Variants in YIPF4 observed in about 807,000 individuals in gnomAD.
The protein encoded by YIPF4 is Yip1 domain family member 4.
Under a neutral mutation model 29.4 loss-of-function variants are expected in YIPF4, and 18 were observed. The observed-to-expected ratio is 0.61, with a 90% CI of 0.42 to 0.91. The LOEUF (loss-of-function observed/expected upper bound fraction) is 0.91. Ranked by LOEUF, YIPF4 falls within the 40% of genes least tolerant of loss-of-function variation. The pLI, the probability that YIPF4 is intolerant of heterozygous loss-of-function variation, is 0.00. For synonymous variants in YIPF4, 115 were observed against 104.7 expected (o/e 1.10, Z -0.60); for missense variants, 279 against 282.7 (o/e 0.99, Z 0.09).
intron 3 of YIPF4, among the ~76,000 whole-genome samples, chr2:32,294,134 C>T (rs1234980060): frequency 2.7e-5 from 4 of 150,842 alleles, no homozygotes; most frequent in Admixed American, 2.6e-4. Context: ...CCCCCCACTT[C>T]CCTCCCAGAC....
chr2:32,303,021 C>T (rs902195270), intron 5 of YIPF4, among the ~76,000 whole-genome samples: 2 of 152,118 alleles, frequency 1.3e-5, no homozygotes, highest in African/African-American at 4.8e-5. Context: ...TCAATTTGTT[C>T]TTAACAATGG....
chr2:32,300,448 A>AT (rs2031365503), intron 4 of YIPF4, among the ~76,000 whole-genome samples: 5 of 151,218 alleles, frequency 3.3e-5, no homozygotes, highest in Admixed American at 3.3e-4. Context: ...AAAAAAAAAA[A>AT]AAAAAAAGAG....
In YIPF4 at chr2:32,305,850, A is replaced by G. The variant is rs1442081159; in HGVS notation, c.*224A>G. On this transcript the variant is annotated 3_prime_UTR_variant, in exon 6 of 6. Coordinates refer to ENST00000238831, the MANE Select transcript of YIPF4 (RefSeq NM_032312.4). ...AATTTTAAATTCTGTTTGATTCTCCATATTCCAGTGAATAAAATACAAAAG... is the reference window on the plus strand; with the variant it reads ...AATTTTAAATTCTGTTTGATTCTCCGTATTCCAGTGAATAAAATACAAAAG... 9 of 1,164,308 alleles carry G rather than the reference A, an allele frequency of 7.7e-6. No individual in the cohort carries two copies. The highest frequency in any genetic ancestry group is 1.6e-5 in the African/African-American group (1 of 62,868). The allele number at this position is 1,164,308 out of a possible 1,614,324, so 72.1% of individuals were successfully genotyped here.
Position 32,315,093 on chromosome 2 carries a change from G to C in YIPF4, c.*9467G>C, listed in dbSNP as rs994860231. The C allele has an allele frequency of 1.3e-5, 2 of 152,158 alleles. No homozygotes were observed. Among genetic ancestry groups the C allele is most frequent in the Non-Finnish European group, 2.9e-5 (2 of 68,016 alleles). 9.4% of individuals were successfully genotyped at this position (152,158 alleles called of 1,614,324 possible). A position where few individuals can be genotyped will look rare whatever the true frequency, so the allele number is the denominator to read the frequency against. On this transcript the variant is annotated 3_prime_UTR_variant, in exon 6 of 6. Coordinates refer to ENST00000238831, the MANE Select transcript of YIPF4 (RefSeq NM_032312.4). ...ATTAAGAACTCAAGGTCCATTTATTGCTCTATTCTGCCATCTTTGGTGAGT... is the reference window on the plus strand; with the variant it reads ...ATTAAGAACTCAAGGTCCATTTATTCCTCTATTCTGCCATCTTTGGTGAGT...
At chr2:32,285,556 ACCATTT>A (rs2030626087) in intron 1 of YIPF4, among the ~76,000 whole-genome samples, 1 of 151,934 alleles carries the variant, frequency 6.6e-6, no homozygotes, top group East Asian at 1.9e-4. Flanking sequence ...TGTTATTGTG[ACCATTT>A]CAGCCTATTC....
At chr2:32,287,301 T>C (rs975760898) in intron 1 of YIPF4, among the ~76,000 whole-genome samples, 3 of 152,144 alleles carry the variant, frequency 2.0e-5, no homozygotes, top group African/African-American at 7.2e-5. Context: ...TAATATCTTT[T>C]AGTGCAAAAA....
intron 3 of YIPF4, among the ~76,000 whole-genome samples, chr2:32,295,334 T>C (rs1295149962): frequency 6.6e-6 from 1 of 152,210 alleles, no homozygotes; most frequent in Non-Finnish European, 1.5e-5. Flanking sequence ...TGGTGGCTGC[T>C]CTAATAAACT....
Position 32,277,930 on chromosome 2 carries a change from C to T in YIPF4, c.-226C>T. 1.9e-6 allele frequency: 1 copy of T among 523,684 alleles called. No individual in the cohort carries two copies. Among genetic ancestry groups the T allele is most frequent in the Non-Finnish European group, 3.4e-6 (1 of 298,008 alleles). The allele number at this position is 523,684 out of a possible 1,614,324, so 32.4% of individuals were successfully genotyped here. ...TCACTGTTATGGTCCTGTCAGGGTG[C>T]CGGCGTCGTGGTGCTTGGGTGGTCG... is the stretch of plus-strand genomic sequence containing the variant. On this transcript the variant is annotated 5_prime_UTR_variant, in exon 1 of 6. Coordinates refer to ENST00000238831, the MANE Select transcript of YIPF4 (RefSeq NM_032312.4).
intron 5 of YIPF4, among the ~76,000 whole-genome samples, chr2:32,304,609 G>T (rs1193916733): frequency 6.6e-6 from 1 of 152,148 alleles, no homozygotes; most frequent in Non-Finnish European, 1.5e-5. Flanking sequence ...ATAGTGTGTA[G>T]AGAGCAGGAA....
chr2:32,294,671 C>T (rs1236168173), intron 3 of YIPF4, among the ~76,000 whole-genome samples: 8 of 152,176 alleles, frequency 5.3e-5, no homozygotes, highest in Middle Eastern at 3.4e-3. Flanking sequence ...GGGTGGCGGC[C>T]GGGCAGAGGC....
chr2:32,311,392 T>C lies in YIPF4; in HGVS notation c.*5766T>C, dbSNP rs1296013618. 1.3e-5 allele frequency: 2 copies of C among 152,168 alleles called. No individual in the cohort carries two copies. Among genetic ancestry groups the C allele is most frequent in the Non-Finnish European group, 1.5e-5 (1 of 68,018 alleles). The allele number at this position is 152,168 out of a possible 1,614,324, so 9.4% of individuals were successfully genotyped here. On this transcript the variant is annotated 3_prime_UTR_variant, in exon 6 of 6. Transcript: ENST00000238831. ...TGAGGTTACAGTTTGGAGGTTACAT[T>C]AGAGAAAGAATATAGGGAAGATGGC...
chr2:32,302,070 G>A (rs554719371), intron 5 of YIPF4, among the ~76,000 whole-genome samples: 32 of 143,090 alleles, frequency 2.2e-4, no homozygotes, highest in Middle Eastern at 3.9e-3. Flanking sequence ...TTGCTCTGTC[G>A]CCCAGGCTGG....
intron 1 of YIPF4, among the ~76,000 whole-genome samples, chr2:32,289,187 T>C (rs552089076): frequency 6.6e-6 from 1 of 152,294 alleles, no homozygotes; most frequent in African/African-American, 2.4e-5. Flanking sequence ...ATAAAAACTT[T>C]TTAGAATTAT....
intron 3 of YIPF4, among the ~76,000 whole-genome samples, chr2:32,294,823 C>T (rs914142984): frequency 2.0e-4 from 31 of 152,206 alleles, no homozygotes; most frequent in Non-Finnish European, 3.1e-4. Context: ...CCGGCACCTC[C>T]GGAGGCCGAG....
intron 5 of YIPF4, among the ~76,000 whole-genome samples, chr2:32,301,889 G>T (rs975249033): frequency 2.0e-5 from 3 of 152,076 alleles, no homozygotes; most frequent in Non-Finnish European, 4.4e-5. Flanking sequence ...GTTTTTAGTA[G>T]AGATGGGGTT....
chr2:32,296,456 G>T (rs1278230275), intron 3 of YIPF4, among the ~76,000 whole-genome samples: 1 of 148,666 alleles, frequency 6.7e-6, no homozygotes, highest in Non-Finnish European at 1.5e-5. Context: ...GGGTGACAGA[G>T]CAAGACTCAG....
intron 5 of YIPF4, among the ~76,000 whole-genome samples, chr2:32,302,130 A>C (rs1018708064): frequency 1.3e-5 from 2 of 150,398 alleles, no homozygotes; most frequent in Admixed American, 6.7e-5. Flanking sequence ...TCCTGGGTTC[A>C]AGCCATTCTT....
chr2:32,301,430 C>G lies in YIPF4; in HGVS notation c.532C>G (p.Leu178Val). The G allele has an allele frequency of 6.2e-7, 1 of 1,613,792 alleles. No individual in the cohort carries two copies. The highest frequency in any genetic ancestry group is 1.3e-5 in the African/African-American group (1 of 75,016). Residue 178 changes from leucine (L) to valine (V), a missense_variant, in exon 5 of 6, where the codon CTC becomes GTC. Leu to Val is a conservative substitution (Grantham distance 32, BLOSUM62 1). Coordinates refer to ENST00000238831, the MANE Select transcript of YIPF4 (RefSeq NM_032312.4). ...LGVIGYSLLP[L>V]IVIAPVLLVV... ...AGTTATAGGATATTCATTACTTCCTCTCATTGTAATAGCCCCTGTACTTTT... is the reference window on the plus strand; with the variant it reads ...AGTTATAGGATATTCATTACTTCCTGTCATTGTAATAGCCCCTGTACTTTT...
intron 3 of YIPF4, 91 bp from the exon 4 acceptor site, chr2:32,298,143 A>G: frequency 9.8e-7 from 1 of 1,021,910 alleles, no homozygotes; most frequent in Non-Finnish European, 1.5e-6. Flanking sequence ...TGGGCATGCT[A>G]AACTGTCATT....
Sources: allele counts gnomAD v4.1 joint callset (sites outside exome capture counted in the v4.1 genomes callset), GRCh38; gene constraint gnomAD v4.1.1; transcripts MANE v1.5; gene names NCBI Gene and HGNC (gene_info 2026-07-23, HGNC 2026-07-21).